CLVS1: variants seen among roughly 807,000 people sequenced by gnomAD.
CLVS1 encodes clavesin-1.
In CLVS1, 10 loss-of-function variants were observed where a neutral mutation model predicts 33.1. That is an observed-to-expected ratio of 0.30 (90% CI 0.19 to 0.51). The LOEUF is 0.51. Ranked by LOEUF, CLVS1 falls within the 20% of genes least tolerant of loss-of-function variation. The probability of loss-of-function intolerance (pLI) is 0.97; values close to 1 mark genes in which losing one functional copy is unlikely to be tolerated. For synonymous variants in CLVS1, 163 were observed against 166.1 expected (o/e 0.98, Z 0.14); for missense variants, 343 against 433.4 (o/e 0.79, Z 1.85).
At chr8:61,352,226 G>A (rs1014544671) in intron 2 of CLVS1, among the ~76,000 whole-genome samples, 5 of 151,924 alleles carry the variant, frequency 3.3e-5, no homozygotes, top group Non-Finnish European at 4.4e-5. Context: ...TATGTATACT[G>A]TAATGCCTAG....
chr8:60,986,125 A>G, the CLVS1 span, among the ~76,000 whole-genome samples: 2 of 152,240 alleles, frequency 1.3e-5, no homozygotes, highest in Admixed American at 1.3e-4. Context: ...ACGATTGTAG[A>G]TGCAAAGGTT....
At chr8:61,149,090 TA>T (rs962124781) in intron 2 of CLVS1, among the ~76,000 whole-genome samples, 7 of 152,074 alleles carry the variant, frequency 4.6e-5, no homozygotes, top group Admixed American at 1.3e-4. Context: ...GTTTTCTTAT[TA>T]AAAAAAATCC....
intron 2 of CLVS1, among the ~76,000 whole-genome samples, chr8:61,177,086 G>A (rs1341780466): frequency 1.3e-5 from 2 of 151,990 alleles, no homozygotes; most frequent in African/African-American, 2.4e-5. Context: ...GGGGCGGGGC[G>A]GGGGGGCAAA....
chr8:61,193,604 T>C (rs889795518), intron 2 of CLVS1, among the ~76,000 whole-genome samples: 1 of 152,092 alleles, frequency 6.6e-6, no homozygotes, highest in Admixed American at 6.6e-5. Context: ...GGAAATGTTT[T>C]CAGTGTACTG....
chr8:61,479,786 A>G (rs1252300860), intron 5 of CLVS1, among the ~76,000 whole-genome samples: 1 of 152,010 alleles, frequency 6.6e-6, no homozygotes, highest in Non-Finnish European at 1.5e-5. Context: ...TCTGTTTGTT[A>G]GTTTTCCTTC....
At chr8:61,118,083 T>C (rs1289496662) in intron 1 of CLVS1, among the ~76,000 whole-genome samples, 1 of 152,106 alleles carries the variant, frequency 6.6e-6, no homozygotes. Context: ...ATTCAACTTC[T>C]TCCTGGTTTA....
chr8:61,061,385 C>T (rs1804581275), intron 1 of CLVS1, among the ~76,000 whole-genome samples: 1 of 152,084 alleles, frequency 6.6e-6, no homozygotes, highest in African/African-American at 2.4e-5. Context: ...GAATTCGCAC[C>T]GCACGTACCC....
intron 2 of CLVS1, among the ~76,000 whole-genome samples, chr8:61,140,933 TG>T (rs1242781557): frequency 2.6e-5 from 4 of 152,220 alleles, no homozygotes; most frequent in Non-Finnish European, 5.9e-5. Context: ...ATTACAGTTG[TG>T]GGACCTTAAC....
At chr8:61,082,196 G>A (rs1240080554) in intron 1 of CLVS1, among the ~76,000 whole-genome samples, 1 of 152,092 alleles carries the variant, frequency 6.6e-6, no homozygotes, top group Admixed American at 6.5e-5. Context: ...CACTGGACAT[G>A]GCCAAGGAAA....
At chr8:61,152,559 T>C (rs1806561686) in intron 2 of CLVS1, among the ~76,000 whole-genome samples, 2 of 152,138 alleles carry the variant, frequency 1.3e-5, no homozygotes, top group Admixed American at 6.5e-5. Context: ...AGGGTCAATA[T>C]TGTGTCTTCA....
intron 2 of CLVS1, among the ~76,000 whole-genome samples, chr8:61,234,836 G>A (rs776896590): frequency 6.6e-6 from 1 of 152,150 alleles, no homozygotes; most frequent in African/African-American, 2.4e-5. Flanking sequence ...CATAACTGGT[G>A]TAATTATGCT....
At chr8:60,974,762 G>C in the CLVS1 span, among the ~76,000 whole-genome samples, 1 of 148,602 alleles carries the variant, frequency 6.7e-6, no homozygotes, top group Non-Finnish European at 1.5e-5. Flanking sequence ...CTGGGCAATA[G>C]AGCAAGACTC....
intron 1 of CLVS1, among the ~76,000 whole-genome samples, chr8:61,294,605 G>A (rs1468436718): frequency 6.6e-6 from 1 of 152,000 alleles, no homozygotes; most frequent in Non-Finnish European, 1.5e-5. Context: ...TCTTTCTTCT[G>A]TCTATTGCAG....
At chr8:61,426,627 CT>C (rs1157834347) in intron 3 of CLVS1, among the ~76,000 whole-genome samples, 1 of 152,198 alleles carries the variant, frequency 6.6e-6, no homozygotes, top group African/African-American at 2.4e-5. Flanking sequence ...TGAATCCCTG[CT>C]TTTGGTCTGC....
At chr8:61,036,993 A>G in the CLVS1 span, among the ~76,000 whole-genome samples, 10 of 152,244 alleles carry the variant, frequency 6.6e-5, no homozygotes, top group Non-Finnish European at 1.3e-4. Flanking sequence ...TGAAAGCTCC[A>G]CTAAATTACA....
chr8:60,971,671 T>C, the CLVS1 span, among the ~76,000 whole-genome samples: 1 of 152,162 alleles, frequency 6.6e-6, no homozygotes, highest in East Asian at 1.9e-4. Flanking sequence ...GCAGGGTGGC[T>C]GTGAGGAATC....
intron 3 of CLVS1, among the ~76,000 whole-genome samples, chr8:61,424,537 T>C (rs963126616): frequency 2.6e-5 from 4 of 152,230 alleles, no homozygotes; most frequent in African/African-American, 4.8e-5. Flanking sequence ...CTTGCCTTTA[T>C]TACTTATAAA....
intron 1 of CLVS1, among the ~76,000 whole-genome samples, chr8:61,096,926 T>A (rs1400332297): frequency 6.6e-6 from 1 of 152,158 alleles, no homozygotes; most frequent in African/African-American, 2.4e-5. Flanking sequence ...CATCGTATTG[T>A]TTTTCAGCAT....
At chr8:61,010,308 G>A in the CLVS1 span, among the ~76,000 whole-genome samples, 1 of 152,204 alleles carries the variant, frequency 6.6e-6, no homozygotes, top group Non-Finnish European at 1.5e-5. Flanking sequence ...GCACTCTCTT[G>A]AGGGCCCAGT....
Sources: allele counts gnomAD v4.1 joint callset (sites outside exome capture counted in the v4.1 genomes callset), GRCh38; gene constraint gnomAD v4.1.1; transcripts MANE v1.5; gene names NCBI Gene and HGNC (gene_info 2026-07-23, HGNC 2026-07-21).